ZNF670: variants seen among roughly 807,000 people sequenced by gnomAD.
ZNF670 encodes zinc finger protein 670.
ZNF670 carries 7 observed loss-of-function variants against 10.9 expected under a neutral mutation model. The ratio of observed to expected loss-of-function variants is 0.64; its 90% CI spans 0.36 to 1.20. The LOEUF (loss-of-function observed/expected upper bound fraction) is 1.20, where lower values mean the gene tolerates loss of function less well. ZNF670 is among the 50% of genes most tolerant of loss of function. The pLI, the probability that ZNF670 is intolerant of heterozygous loss-of-function variation, is 0.02. For synonymous variants in ZNF670, 136 were observed against 152.7 expected (o/e 0.89, Z 0.81); for missense variants, 446 against 458.6 (o/e 0.97, Z 0.25).
intron 1 of ZNF670, among the ~76,000 whole-genome samples, chr1:247,046,801 G>A (rs1037212457): frequency 6.6e-6 from 1 of 152,178 alleles, no homozygotes; most frequent in African/African-American, 2.4e-5. Flanking sequence ...AACGTTGCAA[G>A]CATTTGACTC....
chr1:247,037,544 G>C lies in ZNF670; in HGVS notation c.1075C>G (p.His359Asp). 1 of 1,614,124 alleles carries C rather than the reference G, an allele frequency of 6.2e-7. No homozygotes were observed. The highest frequency in any genetic ancestry group is 8.5e-7 in the Non-Finnish European group (1 of 1,180,002). ...CATTCATAGGGTTTTTCTCCAGTATGAGTCCTTTCATGGCTTCGAAGGGCA... is the reference window on the plus strand; with the variant it reads ...CATTCATAGGGTTTTTCTCCAGTATCAGTCCTTTCATGGCTTCGAAGGGCA... ...SSALRSHERT[H>D]TGEKPYECKK... The change falls in exon 4 of 4, where the codon CAT becomes GAT. Residue 359 changes from histidine to aspartate, a missense_variant. By Grantham distance (81) the His-to-Asp change is moderately conservative (BLOSUM62 -1). Coordinates refer to ENST00000366503, the MANE Select transcript of ZNF670 (RefSeq NM_033213.5).
chr1:247,075,781 A>C (rs1671237970), intron 1 of ZNF670, among the ~76,000 whole-genome samples: 1 of 152,188 alleles, frequency 6.6e-6, no homozygotes, highest in Non-Finnish European at 1.5e-5. Context: ...AGCCTCAGGT[A>C]TGTCTTTATC....
intron 1 of ZNF670, among the ~76,000 whole-genome samples, chr1:247,041,098 G>A (rs1670297464): frequency 6.6e-6 from 1 of 152,128 alleles, no homozygotes; most frequent in Admixed American, 6.6e-5. Context: ...GGTACTAACT[G>A]AAAAAGTACA....
intron 1 of ZNF670, among the ~76,000 whole-genome samples, chr1:247,056,899 A>C (rs1254202243): frequency 6.6e-6 from 1 of 152,258 alleles, no homozygotes; most frequent in African/African-American, 2.4e-5. Flanking sequence ...AACTACTACA[A>C]GAAAGCATTG....
At chr1:247,043,417 C>A (rs1670365733) in intron 1 of ZNF670, 4 of 572,436 alleles carry the variant, frequency 7.0e-6, no homozygotes, top group South Asian at 4.9e-5. Flanking sequence ...AAAATTCACC[C>A]TTTTGTCAGA....
chr1:247,054,798 G>A (rs1670678690), intron 1 of ZNF670, among the ~76,000 whole-genome samples: 1 of 151,976 alleles, frequency 6.6e-6, no homozygotes, highest in African/African-American at 2.4e-5. Flanking sequence ...GAAACTTTGA[G>A]CTATGCTTGT....
chr1:247,076,897 G>A (rs908924958), intron 1 of ZNF670, among the ~76,000 whole-genome samples: 3 of 152,168 alleles, frequency 2.0e-5, no homozygotes, highest in African/African-American at 7.2e-5. Flanking sequence ...CTGACCTCAA[G>A]TGATCTGCCT....
At chr1:247,069,024 G>C (rs1046639042) in intron 1 of ZNF670, among the ~76,000 whole-genome samples, 1 of 150,676 alleles carries the variant, frequency 6.6e-6, no homozygotes, top group African/African-American at 2.5e-5. Flanking sequence ...GGTTACCAGA[G>C]GTGGGGAAAA....
chr1:247,043,259 G>A, intron 1 of ZNF670: 1 of 663,008 alleles, frequency 1.5e-6, no homozygotes, highest in Non-Finnish European at 2.9e-6. Flanking sequence ...ATTGTCTCTG[G>A]GTATATTCTG....
intron 1 of ZNF670, among the ~76,000 whole-genome samples, chr1:247,067,916 T>C (rs1337647095): frequency 1.7e-4 from 25 of 145,868 alleles, no homozygotes. Context: ...GACAACCCAC[T>C]TAAATGGGAG....
chr1:247,042,798 T>C (rs908843784), intron 1 of ZNF670: 4 of 493,274 alleles, frequency 8.1e-6, no homozygotes, highest in African/African-American at 5.8e-5. Flanking sequence ...TCCATGAAAA[T>C]GTCTGACCCC....
intron 1 of ZNF670, among the ~76,000 whole-genome samples, chr1:247,041,421 C>T (rs34225777): frequency 0.15 from 22,469 of 151,898 alleles, 1,856 homozygotes; most frequent in South Asian, 0.24. Flanking sequence ...GATGAAAGAC[C>T]ACCTATTTTT....
chr1:247,065,500 A>C (rs1430689043), intron 1 of ZNF670, among the ~76,000 whole-genome samples: 1 of 152,244 alleles, frequency 6.6e-6, no homozygotes, highest in Non-Finnish European at 1.5e-5. Context: ...TACTAAAATT[A>C]AGAAGAGTCC....
At chr1:247,053,913 C>G (rs372821520) in intron 1 of ZNF670, among the ~76,000 whole-genome samples, 1 of 152,218 alleles carries the variant, frequency 6.6e-6, no homozygotes, top group East Asian at 1.9e-4. Context: ...CTTTTAACTT[C>G]TTATCACTGA....
At chr1:247,078,565 T>C in intron 1 of ZNF670, 29 bp downstream of exon 1, 1 of 1,613,570 alleles carries the variant, frequency 6.2e-7, no homozygotes, top group Non-Finnish European at 8.5e-7. Flanking sequence ...CCTTTTCCCC[T>C]TCCCGAGACA....
chr1:247,038,251 AGG>A lies in ZNF670; in HGVS notation c.366_367del (p.Leu123ValfsTer9). The A allele has an allele frequency of 1.2e-6, 2 of 1,614,200 alleles. No individual in the cohort carries two copies. The highest frequency in any genetic ancestry group is 1.7e-6 in the Non-Finnish European group (2 of 1,180,016). On this transcript the variant is annotated frameshift_variant, in exon 4 of 4. Coordinates refer to ENST00000366503, the MANE Select transcript of ZNF670 (RefSeq NM_033213.5). LOFTEE classifies it low-confidence loss of function (END_TRUNC). ...AAATAGTTTGTTTCCAATGTGAGAC[AGG>A]ATGTGCCTATGAAGGGCTGAATGAC...
chr1:247,076,658 C>CT (rs553387815), intron 1 of ZNF670, among the ~76,000 whole-genome samples: 16,464 of 139,740 alleles, frequency 0.12, 1,221 homozygotes, highest in South Asian at 0.19. Context: ...AATAAACTCT[C>CT]TTTTTTTTTT....
chr1:247,038,991 A>T, intron 2 of ZNF670, 121 bp from the exon 3 acceptor site: 4 of 561,756 alleles, frequency 7.1e-6, no homozygotes, highest in African/African-American at 1.9e-5. Context: ...CCCTTTCCAC[A>T]TGCCAAATCA....
intron 1 of ZNF670, among the ~76,000 whole-genome samples, chr1:247,046,139 A>G (rs1572558932): frequency 6.6e-6 from 1 of 152,232 alleles, no homozygotes; most frequent in Non-Finnish European, 1.5e-5. Flanking sequence ...GAAGCAGAGC[A>G]TAAAAGTTTG....
Sources: allele counts gnomAD v4.1 joint callset (sites outside exome capture counted in the v4.1 genomes callset), GRCh38; gene constraint gnomAD v4.1.1; transcripts MANE v1.5; gene names NCBI Gene and HGNC (gene_info 2026-07-23, HGNC 2026-07-21).